Variants in IL1RAPL2 observed in about 807,000 individuals in gnomAD.
IL1RAPL2 encodes the protein X-linked interleukin-1 receptor accessory protein-like 2.
In IL1RAPL2, 3 loss-of-function variants were observed where a neutral mutation model predicts 44.1. The observed-to-expected ratio is 0.07, with a 90% CI of 0.03 to 0.18. IL1RAPL2 has a LOEUF of 0.18. IL1RAPL2 is among the 10% of genes least tolerant of loss of function. IL1RAPL2 has a pLI of 1.00. For missense variants in IL1RAPL2, 391 were observed against 496.4 expected (o/e 0.79, Z 2.02); for synonymous variants, 181 against 178.8 (o/e 1.01, Z -0.10).
chrX:105,555,879 C>A (rs927651680), intron 6 of IL1RAPL2, among the ~76,000 whole-genome samples: 1 of 111,510 alleles, frequency 9.0e-6, no homozygotes, highest in Non-Finnish European at 1.9e-5. Context: ...AGACCTTTTT[C>A]TCCCCTTTTA....
intron 6 of IL1RAPL2, among the ~76,000 whole-genome samples, chrX:105,713,153 A>G (rs998350118): frequency 2.7e-5 from 3 of 111,886 alleles, no homozygotes; most frequent in African/African-American, 3.3e-5. Flanking sequence ...GCAAGATGTC[A>G]GTGGATCTAT....
At chrX:104,730,335 T>A (rs1412596091) in intron 2 of IL1RAPL2, among the ~76,000 whole-genome samples, 1 of 96,204 alleles carries the variant, frequency 1.0e-5, no homozygotes, top group African/African-American at 3.6e-5. Flanking sequence ...AACTCGTCAT[T>A]TAGCATTAGG....
intron 2 of IL1RAPL2, among the ~76,000 whole-genome samples, chrX:104,702,801 T>A (rs750511102): frequency 1.8e-4 from 20 of 111,157 alleles, no homozygotes; most frequent in Non-Finnish European, 3.4e-4. Flanking sequence ...TGATTTATCA[T>A]CAGAAATTGA....
At chrX:104,939,196 C>T (rs887534939) in intron 2 of IL1RAPL2, among the ~76,000 whole-genome samples, 2 of 109,619 alleles carry the variant, frequency 1.8e-5, no homozygotes, top group African/African-American at 6.7e-5. Flanking sequence ...AGCTGGGACT[C>T]CAGGCATGCA....
At chrX:104,788,557 C>T (rs1489046755) in intron 2 of IL1RAPL2, among the ~76,000 whole-genome samples, 1 of 111,840 alleles carries the variant, frequency 8.9e-6, no homozygotes, top group Non-Finnish European at 1.9e-5. Context: ...GTTACTTTCT[C>T]CTGAAAGCAG....
intron 2 of IL1RAPL2, among the ~76,000 whole-genome samples, chrX:104,910,676 T>C (rs1924207969): frequency 9.0e-6 from 1 of 111,497 alleles, no homozygotes; most frequent in Non-Finnish European, 1.9e-5. Flanking sequence ...TGTCTTGAGG[T>C]TTTTGTTTCT....
chrX:105,115,327 A>G (rs1366750179), intron 2 of IL1RAPL2, among the ~76,000 whole-genome samples: 2 of 111,677 alleles, frequency 1.8e-5, no homozygotes, highest in Admixed American at 9.5e-5. Flanking sequence ...GACGGGGACC[A>G]GAACCGGTTG....
At chrX:104,765,353 G>T (rs889469811) in intron 2 of IL1RAPL2, among the ~76,000 whole-genome samples, 5 of 111,717 alleles carry the variant, frequency 4.5e-5, no homozygotes, top group Non-Finnish European at 7.5e-5. Flanking sequence ...TCCAAAAAAC[G>T]TTTGAATCTT....
At chrX:104,900,209 T>C (rs1006543929) in intron 2 of IL1RAPL2, among the ~76,000 whole-genome samples, 2 of 111,914 alleles carry the variant, frequency 1.8e-5, no homozygotes, top group African/African-American at 3.2e-5. Context: ...GTAAAACTGT[T>C]TCACAAGAGT....
At chrX:105,300,304 G>A (rs1321873275) in intron 5 of IL1RAPL2, among the ~76,000 whole-genome samples, 1 of 111,049 alleles carries the variant, frequency 9.0e-6, no homozygotes, top group Non-Finnish European at 1.9e-5. Flanking sequence ...AAGGCCTCAG[G>A]AAGCTTCCAA....
chrX:104,865,245 C>T (rs1448640556), intron 2 of IL1RAPL2, among the ~76,000 whole-genome samples: 1 of 111,702 alleles, frequency 9.0e-6, no homozygotes, highest in Non-Finnish European at 1.9e-5. Flanking sequence ...AGTCTTGATA[C>T]CTTTATCATA....
intron 2 of IL1RAPL2, among the ~76,000 whole-genome samples, chrX:105,127,002 T>G (rs1466259621): frequency 9.0e-6 from 1 of 111,228 alleles, no homozygotes; most frequent in African/African-American, 3.2e-5. Flanking sequence ...GGAAATCAAT[T>G]ACAATATAGC....
At chrX:104,893,572 G>C (rs1049916625) in intron 2 of IL1RAPL2, among the ~76,000 whole-genome samples, 2 of 111,158 alleles carry the variant, frequency 1.8e-5, no homozygotes, top group Non-Finnish European at 3.8e-5. Flanking sequence ...GATCTTTGTT[G>C]GTTTAAAGTC....
intron 2 of IL1RAPL2, among the ~76,000 whole-genome samples, chrX:104,723,917 A>G (rs1221268320): frequency 4.5e-5 from 5 of 111,419 alleles, no homozygotes; most frequent in Non-Finnish European, 9.4e-5. Context: ...AGACAAATTC[A>G]CAATAAAATG....
chrX:105,765,050 C>T, intron 10 of IL1RAPL2: 1 of 111,509 alleles, frequency 9.0e-6, no homozygotes, highest in East Asian at 2.8e-4. Flanking sequence ...TCATAATTCA[C>T]CTGGTAAAAC....
At chrX:104,627,883 GA>G (rs1929546707) in intron 1 of IL1RAPL2, among the ~76,000 whole-genome samples, 1 of 110,410 alleles carries the variant, frequency 9.1e-6, no homozygotes, top group Non-Finnish European at 1.9e-5. Context: ...ATATAATCTA[GA>G]ACTGTGATTT....
intron 1 of IL1RAPL2, among the ~76,000 whole-genome samples, chrX:104,610,014 G>A (rs1370861346): frequency 2.7e-5 from 3 of 112,035 alleles, no homozygotes; most frequent in Non-Finnish European, 3.8e-5. Context: ...TTTGATGTTG[G>A]TGACCTACGG....
chrX:105,581,163 C>T (rs890672843), intron 6 of IL1RAPL2, among the ~76,000 whole-genome samples: 10 of 111,423 alleles, frequency 9.0e-5, no homozygotes, highest in African/African-American at 3.3e-4. Context: ...TGTATTGCTA[C>T]ACTCATGCAA....
intron 2 of IL1RAPL2, among the ~76,000 whole-genome samples, chrX:104,908,662 C>T (rs1206824892): frequency 3.6e-5 from 4 of 111,739 alleles, no homozygotes; most frequent in African/African-American, 1.3e-4. Context: ...AGGGTTTCTG[C>T]TGAGAGATCC....
Sources: gnomAD v4.1 joint callset for allele counts (sites outside exome capture counted in the v4.1 genomes callset) on GRCh38, gnomAD v4.1.1 for gene constraint, MANE v1.5 for transcripts, NCBI Gene and HGNC (gene_info 2026-07-23, HGNC 2026-07-21) for gene names.